The following DPF3 variants were observed in gnomAD, a reference collection of about 807,000 sequenced individuals.
DPF3 encodes the protein zinc finger protein DPF3.
In DPF3, 18 loss-of-function variants were observed where a neutral mutation model predicts 56.8. The observed-to-expected ratio is 0.32, with a 90% CI of 0.22 to 0.47. The LOEUF (loss-of-function observed/expected upper bound fraction) is 0.47. Ranked by LOEUF, DPF3 falls within the 20% of genes least tolerant of loss-of-function variation. The probability of loss-of-function intolerance (pLI) is 1.00; values close to 1 mark genes in which losing one functional copy is unlikely to be tolerated. For synonymous variants in DPF3, 188 were observed against 180.2 expected, an observed-to-expected ratio of 1.04 and a Z score of -0.35; for missense variants, 403 against 488.8, an observed-to-expected ratio of 0.82 and a Z score of 1.65.
chr14:72,740,360 T>C (rs1230589954), intron 3 of DPF3, among the ~76,000 whole-genome samples: 1 of 152,192 alleles, frequency 6.6e-6, no homozygotes. Context: ...TCGGAGCAGA[T>C]GTGGGGTGAC....
At chr14:72,774,103 G>T in intron 1 of DPF3, 1 of 387,632 alleles carries the variant, frequency 2.6e-6, no homozygotes, top group Non-Finnish European at 5.1e-6. Context: ...TGGCCAACAT[G>T]GTGACACCCC....
chr14:72,776,887 G>A (rs1237737523), intron 1 of DPF3, among the ~76,000 whole-genome samples: 1 of 151,978 alleles, frequency 6.6e-6, no homozygotes, highest in African/African-American at 2.4e-5. Flanking sequence ...TGGGGGCCGA[G>A]GCTATGCTGC....
intron 7 of DPF3, chr14:72,679,072 C>T (rs1887039993): frequency 6.6e-6 from 1 of 152,226 alleles, no homozygotes; most frequent in African/African-American, 2.4e-5. Context: ...GGTATCAGTG[C>T]TCGCTACAGG....
chr14:72,656,869 A>G (rs1279260125), intron 8 of DPF3, among the ~76,000 whole-genome samples: 1 of 152,212 alleles, frequency 6.6e-6, no homozygotes, highest in Non-Finnish European at 1.5e-5. Flanking sequence ...GCTAAAGAGC[A>G]TCTCTTCAAT....
At chr14:72,859,450 T>C (rs61986337) in intron 1 of DPF3, among the ~76,000 whole-genome samples, 6,834 of 148,408 alleles carry the variant, frequency 0.046, 241 homozygotes, top group Non-Finnish European at 0.077. Context: ...TTTAACTTCA[T>C]TGGTTCTCTG....
intron 2 of DPF3, among the ~76,000 whole-genome samples, chr14:72,767,043 C>T (rs1891316295): frequency 6.6e-6 from 1 of 152,122 alleles, no homozygotes; most frequent in Non-Finnish European, 1.5e-5. Flanking sequence ...GCCTGAACTC[C>T]CACCTCCACT....
intron 8 of DPF3, among the ~76,000 whole-genome samples, chr14:72,656,031 TC>T (rs1452719839): frequency 6.6e-6 from 1 of 152,180 alleles, no homozygotes; most frequent in Non-Finnish European, 1.5e-5. Flanking sequence ...TCTCCTGTGC[TC>T]CCTGGAGACC....
At chr14:72,657,975 AAAC>A (rs1194299242) in intron 8 of DPF3, among the ~76,000 whole-genome samples, 5 of 152,352 alleles carry the variant, frequency 3.3e-5, no homozygotes, top group Non-Finnish European at 5.9e-5. Context: ...CAAAACCAGA[AAAC>A]AACCATGACC....
chr14:72,626,087 A>G (rs1599312353), intron 9 of DPF3, among the ~76,000 whole-genome samples: 3 of 152,102 alleles, frequency 2.0e-5, no homozygotes, highest in South Asian at 2.1e-4. Context: ...TACATTATCT[A>G]TTTACGTTAT....
intron 7 of DPF3, among the ~76,000 whole-genome samples, chr14:72,679,807 G>A (rs1162703395): frequency 6.6e-6 from 1 of 152,272 alleles, no homozygotes; most frequent in Non-Finnish European, 1.5e-5. Context: ...GGAAAGGGGA[G>A]AGGAAAGGAG....
intron 1 of DPF3, chr14:72,836,070 T>C (rs1417899611): frequency 3.0e-6 from 3 of 985,200 alleles, no homozygotes; most frequent in African/African-American, 1.7e-5. Flanking sequence ...GGCTTTGAAA[T>C]TAGCACAACT....
intron 1 of DPF3, among the ~76,000 whole-genome samples, chr14:72,855,216 C>G (rs1389456436): frequency 6.6e-6 from 1 of 152,172 alleles, no homozygotes; most frequent in African/African-American, 2.4e-5. Context: ...GCTTACCTGT[C>G]TACATTTTTA....
chr14:72,732,127 T>C (rs1167109002), intron 3 of DPF3, among the ~76,000 whole-genome samples, 193 bp from the exon 4 acceptor site: 1 of 152,120 alleles, frequency 6.6e-6, no homozygotes. Context: ...AGAGACAGAT[T>C]CCGACCATGC....
At chr14:72,892,962 AG>A (rs376877260) in intron 1 of DPF3, among the ~76,000 whole-genome samples, 1,075 of 54,008 alleles carry the variant, frequency 0.02, 67 homozygotes, top group African/African-American at 0.088. Context: ...GAAGGAAGGA[AG>A]GAAGGAAGGA....
chr14:72,840,545 T>G (rs1567251903), intron 1 of DPF3, among the ~76,000 whole-genome samples: 1 of 151,948 alleles, frequency 6.6e-6, no homozygotes, highest in Non-Finnish European at 1.5e-5. Context: ...ACACACACAC[T>G]GAATAGTGAA....
At chr14:72,778,073 G>T (rs527735426) in intron 1 of DPF3, among the ~76,000 whole-genome samples, 1 of 152,128 alleles carries the variant, frequency 6.6e-6, no homozygotes, top group African/African-American at 2.4e-5. Flanking sequence ...ACACAAAAAG[G>T]CAGCTGTATG....
chr14:72,690,377 T>C (rs1294297663), intron 7 of DPF3, among the ~76,000 whole-genome samples: 4 of 152,100 alleles, frequency 2.6e-5, no homozygotes, highest in African/African-American at 9.7e-5. Flanking sequence ...CTCCTTCTAC[T>C]TCGGGTCTGC....
intron 1 of DPF3, among the ~76,000 whole-genome samples, chr14:72,842,148 G>A (rs978292083): frequency 6.7e-6 from 1 of 148,398 alleles, no homozygotes; most frequent in East Asian, 2.0e-4. Flanking sequence ...CATCAAAATC[G>A]AATCAAGCAG....
chr14:72,790,953 T>G (rs1245436397), intron 1 of DPF3, among the ~76,000 whole-genome samples: 1 of 152,168 alleles, frequency 6.6e-6, no homozygotes, highest in Non-Finnish European at 1.5e-5. Flanking sequence ...CCCTCTTCCC[T>G]CTGCTCCTGG....
Sources: allele counts gnomAD v4.1 joint callset (sites outside exome capture counted in the v4.1 genomes callset), GRCh38; gene constraint gnomAD v4.1.1; transcripts MANE v1.5; gene names NCBI Gene and HGNC (gene_info 2026-07-23, HGNC 2026-07-21).